The following ARSB variants were observed in gnomAD, a reference collection of about 807,000 sequenced individuals.
ARSB encodes the protein N-acetylgalactosamine-4-sulfatase.
A neutral mutation model predicts 50.9 loss-of-function variants in ARSB; 41 were observed. The observed-to-expected ratio is 0.81, with a 90% CI of 0.63 to 1.04. The LOEUF (loss-of-function observed/expected upper bound fraction) is 1.04, where lower values mean the gene tolerates loss of function less well. Ranked by LOEUF, ARSB falls within the 50% of genes least tolerant of loss-of-function variation. The pLI is 0.00. For synonymous variants in ARSB, 269 were observed against 284.8 expected (o/e 0.94, Z 0.56); for missense variants, 672 against 693.3 (o/e 0.97, Z 0.35).
intron 6 of ARSB, among the ~76,000 whole-genome samples, chr5:78,793,271 T>C (rs976413557): frequency 1.3e-5 from 2 of 152,204 alleles, no homozygotes; most frequent in African/African-American, 4.8e-5. Context: ...AGATCTCAAA[T>C]GTGCCTCCTA....
intron 3 of ARSB, among the ~76,000 whole-genome samples, chr5:78,963,133 T>G (rs766065058): frequency 2.0e-5 from 3 of 152,180 alleles, no homozygotes; most frequent in Non-Finnish European, 4.4e-5. Context: ...CTCACTGTAT[T>G]AGTTCCTGAG....
At chr5:78,796,578 C>T (rs188406649) in intron 6 of ARSB, among the ~76,000 whole-genome samples, 29 of 152,334 alleles carry the variant, frequency 1.9e-4, no homozygotes, top group Admixed American at 1.4e-3. Flanking sequence ...TGAGACAATG[C>T]GTGCAAAGCA....
intron 5 of ARSB, among the ~76,000 whole-genome samples, chr5:78,853,170 T>C (rs1227149941): frequency 6.6e-6 from 1 of 152,236 alleles, no homozygotes; most frequent in African/African-American, 2.4e-5. Flanking sequence ...CTCTGTTTTT[T>C]CCCCATCTTT....
intron 7 of ARSB, 117 bp from the exon 8 acceptor site, chr5:78,780,779 A>T: frequency 8.0e-7 from 1 of 1,251,062 alleles, no homozygotes. Context: ...ACATAAAAAG[A>T]TGCGGCCCTA....
intron 5 of ARSB, among the ~76,000 whole-genome samples, chr5:78,880,306 T>C (rs1396082736): frequency 2.0e-5 from 3 of 152,198 alleles, no homozygotes; most frequent in African/African-American, 7.2e-5. Context: ...TGGACAAACA[T>C]CAATGATGTG....
intron 6 of ARSB, among the ~76,000 whole-genome samples, chr5:78,788,245 T>C (rs923192946): frequency 2.0e-5 from 3 of 152,198 alleles, no homozygotes; most frequent in Non-Finnish European, 4.4e-5. Flanking sequence ...ATTAGCCGTG[T>C]GTATTGATTT....
chr5:78,827,501 G>A (rs1193539420), intron 6 of ARSB, among the ~76,000 whole-genome samples: 2 of 152,156 alleles, frequency 1.3e-5, no homozygotes, highest in Admixed American at 6.5e-5. Context: ...ATGAGCCACT[G>A]TGCCCAGCCC....
intron 4 of ARSB, among the ~76,000 whole-genome samples, chr5:78,915,093 C>T (rs1470273353): frequency 6.6e-6 from 1 of 152,194 alleles, no homozygotes; most frequent in Non-Finnish European, 1.5e-5. Context: ...CTAGAAGAGA[C>T]ATAATTCAAT....
intron 4 of ARSB, among the ~76,000 whole-genome samples, chr5:78,911,938 T>C: frequency 6.6e-6 from 1 of 152,112 alleles, no homozygotes; most frequent in Middle Eastern, 3.2e-3. Flanking sequence ...TTGACTGAAT[T>C]TGCAATAATA....
At chr5:78,782,016 G>A in intron 6 of ARSB, 42 bp from the exon 7 acceptor site, 2 of 1,613,378 alleles carry the variant, frequency 1.2e-6, no homozygotes, top group Non-Finnish European at 8.5e-7. Flanking sequence ...ACTGTTATTG[G>A]AACGTGTTGT....
At chr5:78,792,000 A>G (rs574460116) in intron 6 of ARSB, among the ~76,000 whole-genome samples, 1 of 152,222 alleles carries the variant, frequency 6.6e-6, no homozygotes, top group South Asian at 2.1e-4. Context: ...CACACATAAA[A>G]TACACTAACA....
At chr5:78,923,210 C>A (rs554559242) in intron 4 of ARSB, among the ~76,000 whole-genome samples, 1 of 152,182 alleles carries the variant, frequency 6.6e-6, no homozygotes, top group Non-Finnish European at 1.5e-5. Flanking sequence ...TCACTGGGAC[C>A]CTTTGAGAAT....
intron 4 of ARSB, among the ~76,000 whole-genome samples, chr5:78,924,632 T>C (rs1181878230): frequency 6.6e-6 from 1 of 152,248 alleles, no homozygotes; most frequent in Non-Finnish European, 1.5e-5. Flanking sequence ...TATCAGTCAT[T>C]TGACTTGAGC....
chr5:78,858,731 A>G (rs913505841), intron 5 of ARSB, among the ~76,000 whole-genome samples: 1 of 152,190 alleles, frequency 6.6e-6, no homozygotes, highest in Non-Finnish European at 1.5e-5. Flanking sequence ...ACTAATGAAA[A>G]CATTGACCAA....
chr5:78,873,498 A>AT lies in ARSB; in HGVS notation c.1142+12085dup, dbSNP rs71001133. Among the ~76,000 whole-genome samples, 48 of 93,210 alleles carry AT rather than the reference A, an allele frequency of 5.1e-4. 3 individuals carry two copies. The highest frequency in any genetic ancestry group is 1.7e-3 in the African/African-American group (43 of 25,974). 61.1% of individuals were successfully genotyped at this position (93,210 alleles called of 152,430 possible). On this transcript the variant is annotated intron_variant, in intron 5 of 7. Coordinates refer to ENST00000264914, the MANE Select transcript of ARSB (RefSeq NM_000046.5). The stretch of plus-strand genomic sequence containing the variant: ...GTAGAATATAATATTTAAAACTGTA[A>AT]TTTTTTTTTTTTTTTGAGACGGAGT...
chr5:78,848,731 G>A (rs947890504), intron 5 of ARSB, among the ~76,000 whole-genome samples: 11 of 152,172 alleles, frequency 7.2e-5, no homozygotes, highest in Non-Finnish European at 1.6e-4. Flanking sequence ...TCTAGCACCT[G>A]TTGTTTCCTG....
intron 6 of ARSB, among the ~76,000 whole-genome samples, chr5:78,805,924 G>A (rs933710382): frequency 9.2e-5 from 14 of 152,330 alleles, no homozygotes; most frequent in African/African-American, 3.4e-4. Context: ...GTGAGCTTGG[G>A]CTCCCAGAGT....
At position 78,781,851 on chromosome 5, in the gene ARSB, C is replaced by T. The variant is rs376233975; in HGVS notation, c.1336+1G>A. ...GAAGTTTGCTAAGCTAAGGACTCTA[C>T]CTGGGTAGCCCGTGAGGAGTTTCCA... On this transcript the variant is annotated splice_donor_variant, in intron 7 of 7. Coordinates refer to ENST00000264914, the MANE Select transcript of ARSB (RefSeq NM_000046.5). LOFTEE classifies it high-confidence loss of function. 5.0e-6 allele frequency: 8 copies of T among 1,613,936 alleles called. No homozygotes were observed. Among genetic ancestry groups the T allele is most frequent in the Non-Finnish European group, 6.8e-6 (8 of 1,179,948 alleles).
Position 78,973,775 on chromosome 5 carries a change from T to G in ARSB, c.313-4583A>C, listed in dbSNP as rs557409576. On this transcript the variant is annotated intron_variant, in intron 1 of 7. Transcript: ENST00000264914. ...CTGCACAGAAGGCGATAGATGCTCT[T>G]TCTCTCCTCACCTCAACAGTGTTGA... 6.3e-3 allele frequency among the ~76,000 whole-genome samples: 956 copies of G among 152,306 alleles called. 14 individuals carry two copies. The highest frequency in any genetic ancestry group is 9.0e-3 in the Non-Finnish European group (612 of 68,024).
Sources: allele counts gnomAD v4.1 joint callset (sites outside exome capture counted in the v4.1 genomes callset), GRCh38; gene constraint gnomAD v4.1.1; transcripts MANE v1.5; gene names NCBI Gene and HGNC (gene_info 2026-07-23, HGNC 2026-07-21).